Variants in EZH2 observed in about 807,000 individuals in gnomAD.
EZH2 encodes histone-lysine N-methyltransferase EZH2.
Under a neutral mutation model 98.4 loss-of-function variants are expected in EZH2, and 18 were observed. The observed-to-expected ratio is 0.18, with a 90% CI of 0.13 to 0.27. The LOEUF (loss-of-function observed/expected upper bound fraction) is 0.27. Ranked by LOEUF, EZH2 falls within the 10% of genes least tolerant of loss-of-function variation. EZH2 has a pLI of 1.00. For synonymous variants in EZH2, 338 were observed against 312.3 expected (o/e 1.08, Z -0.87); for missense variants, 470 against 935.1 (o/e 0.50, Z 6.49).
At position 148,811,174 on chromosome 7, in the gene EZH2, C is replaced by T. The variant is rs116532711; in HGVS notation, c.1947+451G>A. Among the ~76,000 whole-genome samples, 1,280 of 152,306 alleles carry T rather than the reference C, an allele frequency of 8.4e-3. 24 individuals are homozygous for T. The highest frequency in any genetic ancestry group is 0.03 in the African/African-American group (1,232 of 41,562). On this transcript the variant is annotated intron_variant, in intron 16 of 19. Coordinates refer to ENST00000320356, the MANE Select transcript of EZH2 (RefSeq NM_004456.5). ...TTTTCCCCTCTGAGACAGGGTCTCA[C>T]TTTGTCGCCCAGGCCGGAGTGCAGT...
intron 4 of EZH2, among the ~76,000 whole-genome samples, chr7:148,832,271 G>A (rs575282462): frequency 6.1e-4 from 93 of 152,192 alleles, no homozygotes; most frequent in Admixed American, 1.2e-3. Flanking sequence ...AGGACACAGC[G>A]TTTTGCCATA....
At chr7:148,821,565 C>T (rs903818265) in intron 8 of EZH2, among the ~76,000 whole-genome samples, 4 of 152,180 alleles carry the variant, frequency 2.6e-5, no homozygotes, top group African/African-American at 9.7e-5. Context: ...TGGCTCACGC[C>T]TGTAATTCCA....
At chr7:148,869,893 C>A (rs945812968) in intron 1 of EZH2, among the ~76,000 whole-genome samples, 5 of 149,944 alleles carry the variant, frequency 3.3e-5, no homozygotes, top group Non-Finnish European at 5.9e-5. Context: ...ACTCTTTGTA[C>A]AACATCAAGC....
intron 1 of EZH2, among the ~76,000 whole-genome samples, chr7:148,854,464 A>C (rs2129487036): frequency 6.6e-6 from 1 of 152,260 alleles, no homozygotes; most frequent in South Asian, 2.1e-4. Context: ...TTCTACCTCA[A>C]GGATTTGCTA....
At chr7:148,810,757 G>A (rs1253953225) in intron 16 of EZH2, among the ~76,000 whole-genome samples, 2 of 152,078 alleles carry the variant, frequency 1.3e-5, no homozygotes, top group Non-Finnish European at 2.9e-5. Flanking sequence ...TCACCTGGGC[G>A]CGGTGGCGCA....
intron 1 of EZH2, among the ~76,000 whole-genome samples, chr7:148,848,167 C>T (rs548094062): frequency 2.0e-5 from 3 of 152,308 alleles, no homozygotes; most frequent in African/African-American, 7.2e-5. Context: ...CAAAGCTTTA[C>T]AGGCCACACT....
At chr7:148,842,882 A>G (rs75362226) in intron 3 of EZH2, among the ~76,000 whole-genome samples, 3,648 of 152,172 alleles carry the variant, frequency 0.024, 140 homozygotes, top group African/African-American at 0.084. Flanking sequence ...CCTGGAAAAC[A>G]TGGTATGACC....
intron 1 of EZH2, among the ~76,000 whole-genome samples, chr7:148,866,536 A>G (rs564685419): frequency 7.4e-4 from 75 of 101,142 alleles, no homozygotes; most frequent in East Asian, 1.0e-3. Flanking sequence ...ACATATATAT[A>G]CGTATATACA....
intron 13 of EZH2, 76 bp from the exon 14 acceptor site, chr7:148,815,115 A>C (rs529032764): frequency 6.5e-7 from 1 of 1,527,274 alleles, no homozygotes; most frequent in East Asian, 2.3e-5. Flanking sequence ...ACACGAGTAC[A>C]TTCTTCCCTA....
intron 1 of EZH2, among the ~76,000 whole-genome samples, chr7:148,851,492 A>G (rs900133329): frequency 7.9e-5 from 12 of 151,826 alleles, no homozygotes; most frequent in Non-Finnish European, 1.8e-4. Context: ...CCCCACAACA[A>G]ACGACTGGCT....
chr7:148,826,950 G>A (rs1051526566), intron 7 of EZH2, among the ~76,000 whole-genome samples: 24 of 152,258 alleles, frequency 1.6e-4, no homozygotes, highest in African/African-American at 5.1e-4. Flanking sequence ...GTGTTTATGT[G>A]TATATATAAA....
intron 8 of EZH2, 38 bp from the exon 9 acceptor site, chr7:148,819,725 T>C: frequency 6.4e-7 from 1 of 1,552,622 alleles, no homozygotes; most frequent in African/African-American, 1.4e-5. Context: ...AATATAACTA[T>C]AAAATACTTA....
At chr7:148,853,767 C>G (rs1220334520) in intron 1 of EZH2, among the ~76,000 whole-genome samples, 1 of 152,102 alleles carries the variant, frequency 6.6e-6, no homozygotes, top group Non-Finnish European at 1.5e-5. Flanking sequence ...GTATTTTTAC[C>G]CACAGTTGGC....
At chr7:148,808,764 C>G (rs1470146479) in intron 19 of EZH2, among the ~76,000 whole-genome samples, 1 of 152,094 alleles carries the variant, frequency 6.6e-6, no homozygotes, top group African/African-American at 2.4e-5. Flanking sequence ...GGAAAACGCT[C>G]CACGAGTGAG....
Position 148,810,367 on chromosome 7 carries a change from T to C in EZH2, c.1995A>G (p.Lys665=), listed in dbSNP as rs371843389. Residue 665 remains lysine (K), a synonymous_variant, in exon 17 of 20, where the codon AAA becomes AAG. Transcript: ENST00000320356. The part of the protein sequence containing the change: ...EADRRGKVYD[K]YMCSFLFNLN... ...AGTTGAACAGAAAGCTGCACATGTA[T>C]TTATCATACACTTTCCCTCTTCTGT... is the stretch of plus-strand genomic sequence containing the variant. 4 of 1,611,284 alleles carry C rather than the reference T, an allele frequency of 2.5e-6. No homozygotes were observed. Among genetic ancestry groups the C allele is most frequent in the Non-Finnish European group, 3.4e-6 (4 of 1,177,728 alleles).
chr7:148,841,344 T>C (rs886859744), intron 3 of EZH2, among the ~76,000 whole-genome samples: 1 of 152,124 alleles, frequency 6.6e-6, no homozygotes, highest in African/African-American at 2.4e-5. Flanking sequence ...TTACAAGTTA[T>C]ACAGGTGGGA....
At chr7:148,863,095 AAAAAGAAAG>A (rs1817939353) in intron 1 of EZH2, among the ~76,000 whole-genome samples, 1 of 148,884 alleles carries the variant, frequency 6.7e-6, no homozygotes, top group Admixed American at 6.8e-5. Context: ...AAAAAAAAAA[AAAAAGAAAG>A]AAAGAAAGAA....
At chr7:148,881,839 C>T (rs1179944742) in intron 1 of EZH2, among the ~76,000 whole-genome samples, 6 of 151,346 alleles carry the variant, frequency 4.0e-5, no homozygotes, top group African/African-American at 9.7e-5. Flanking sequence ...GAGGCTGAGG[C>T]AGGGGAATTC....
At chr7:148,866,548 A>ATATATGTG (rs1563063279) in intron 1 of EZH2, among the ~76,000 whole-genome samples, 4,876 of 101,908 alleles carry the variant, frequency 0.048, 471 homozygotes, top group African/African-American at 0.19. Flanking sequence ...GTATATACAT[A>ATATATGTG]TATATACATA....
Sources: gnomAD v4.1 joint callset for allele counts (sites outside exome capture counted in the v4.1 genomes callset) on GRCh38, gnomAD v4.1.1 for gene constraint, MANE v1.5 for transcripts, NCBI Gene and HGNC (gene_info 2026-07-23, HGNC 2026-07-21) for gene names.